Variants in CNTNAP4 observed in about 807,000 individuals in gnomAD.
CNTNAP4 encodes contactin-associated protein-like 4.
CNTNAP4 carries 98 observed loss-of-function variants against 148.4 expected under a neutral mutation model. The observed-to-expected ratio is 0.66, with a 90% CI of 0.56 to 0.78. The LOEUF is 0.78. CNTNAP4 is among the 30% of genes least tolerant of loss of function. The pLI is 0.00. For synonymous variants in CNTNAP4, 730 were observed against 565.1 expected, an observed-to-expected ratio of 1.29 and a Z score of -4.14; for missense variants, 1,935 against 1,565.6, an observed-to-expected ratio of 1.24 and a Z score of -3.98.
At chr16:76,442,806 A>C (rs981756970) in intron 4 of CNTNAP4, among the ~76,000 whole-genome samples, 3 of 152,122 alleles carry the variant, frequency 2.0e-5, no homozygotes, top group Non-Finnish European at 2.9e-5. Flanking sequence ...CAGCACTGCC[A>C]CACTGGGGAA....
intron 15 of CNTNAP4, among the ~76,000 whole-genome samples, chr16:76,506,441 CCCTT>C: frequency 1.2e-5 from 1 of 80,140 alleles, no homozygotes; most frequent in African/African-American, 2.8e-5. Flanking sequence ...CCCTTCCCTT[CCCTT>C]CTTCCCTCCC....
chr16:76,427,291 G>A (rs970176715), intron 3 of CNTNAP4, among the ~76,000 whole-genome samples, 161 bp from the exon 4 acceptor site: 1 of 152,038 alleles, frequency 6.6e-6, no homozygotes, highest in African/African-American at 2.4e-5. Flanking sequence ...TTCTCTGGAT[G>A]CAGAGACATC....
chr16:76,483,251 C>CACACACACAT (rs2081907575), intron 12 of CNTNAP4, among the ~76,000 whole-genome samples: 2 of 151,324 alleles, frequency 1.3e-5, no homozygotes, highest in Non-Finnish European at 3.0e-5. Context: ...CACACACACA[C>CACACACACAT]ACACACACAC....
intron 15 of CNTNAP4, among the ~76,000 whole-genome samples, chr16:76,511,527 T>TA (rs932623424): frequency 3.3e-5 from 5 of 152,140 alleles, no homozygotes; most frequent in African/African-American, 9.6e-5. Context: ...TATAAACCGT[T>TA]AAAAAAAGTG....
chr16:76,497,791 G>A (rs1597737367), intron 14 of CNTNAP4, among the ~76,000 whole-genome samples: 1 of 151,930 alleles, frequency 6.6e-6, no homozygotes, highest in Admixed American at 6.6e-5. Flanking sequence ...GTGTATACCT[G>A]AGTAACAAAC....
intron 2 of CNTNAP4, among the ~76,000 whole-genome samples, chr16:76,339,113 C>G (rs1000544459): frequency 6.6e-6 from 1 of 152,070 alleles, no homozygotes; most frequent in South Asian, 2.1e-4. Context: ...AAGCTGTAAT[C>G]AGAATATGCG....
intron 2 of CNTNAP4, among the ~76,000 whole-genome samples, chr16:76,341,187 C>T (rs1332875473): frequency 1.3e-5 from 2 of 151,834 alleles, no homozygotes; most frequent in African/African-American, 2.4e-5. Flanking sequence ...ACATCTTCCT[C>T]AACTTTTTCA....
chr16:76,441,291 C>G (rs1043125562), intron 4 of CNTNAP4, among the ~76,000 whole-genome samples: 1 of 152,100 alleles, frequency 6.6e-6, no homozygotes, highest in Non-Finnish European at 1.5e-5. Flanking sequence ...TAAATACATG[C>G]TGCAGGAAAA....
chr16:76,499,065 A>ATT (rs57402016), intron 15 of CNTNAP4, among the ~76,000 whole-genome samples: 2 of 122,778 alleles, frequency 1.6e-5, no homozygotes, highest in African/African-American at 6.1e-5. Flanking sequence ...TTTTACCACA[A>ATT]TTTTTTTTTT....
intron 3 of CNTNAP4, among the ~76,000 whole-genome samples, chr16:76,426,687 G>A (rs1876273): frequency 0.66 from 100,210 of 151,902 alleles, 33,495 homozygotes; most frequent in East Asian, 0.8. Context: ...GCCCTACCAT[G>A]TAATGGTTGC....
chr16:76,383,019 C>T (rs770408292), intron 3 of CNTNAP4, among the ~76,000 whole-genome samples: 25 of 151,908 alleles, frequency 1.6e-4, no homozygotes, highest in Non-Finnish European at 2.5e-4. Flanking sequence ...TAGAACAAAA[C>T]GTTTCTTATC....
intron 3 of CNTNAP4, among the ~76,000 whole-genome samples, chr16:76,364,725 C>T (rs1474353352): frequency 6.6e-6 from 1 of 152,088 alleles, no homozygotes; most frequent in Admixed American, 6.6e-5. Flanking sequence ...TAATACTTCC[C>T]ATTCACTTTG....
At chr16:76,415,074 G>C (rs1049854944) in intron 3 of CNTNAP4, among the ~76,000 whole-genome samples, 1 of 151,004 alleles carries the variant, frequency 6.6e-6, no homozygotes. Context: ...ACAATAGTCT[G>C]AATTTCCAAA....
intron 21 of CNTNAP4, among the ~76,000 whole-genome samples, chr16:76,547,659 A>G (rs2084793201): frequency 6.6e-6 from 1 of 152,236 alleles, no homozygotes; most frequent in South Asian, 2.1e-4. Flanking sequence ...GGAGTTTTCT[A>G]TAAGCCTGGA....
chr16:76,430,385 C>G (rs1028833276), intron 4 of CNTNAP4, among the ~76,000 whole-genome samples: 94 of 152,134 alleles, frequency 6.2e-4, no homozygotes, highest in African/African-American at 2.1e-3. Flanking sequence ...CTGGCTTTCC[C>G]TGCCCTCAGA....
At chr16:76,513,680 A>C (rs974453260) in intron 15 of CNTNAP4, among the ~76,000 whole-genome samples, 26 of 152,206 alleles carry the variant, frequency 1.7e-4, no homozygotes, top group African/African-American at 6.0e-4. Context: ...GTGCCTACTT[A>C]AAAACAGTAA....
rs140297400 is a variant in CNTNAP4 at position 76,441,457 on chromosome 16, A to G, written c.539-6555A>G. ...ATACCTACGGGCACAGGGAGAATTG[A>G]TATGAGAGTAGGGCGTACAATCTTT... On this transcript the variant is annotated intron_variant, in intron 4 of 23. Coordinates refer to ENST00000611870, the MANE Select transcript of CNTNAP4 (RefSeq NM_033401.5). 3.8e-3 allele frequency among the ~76,000 whole-genome samples: 584 copies of G among 152,264 alleles called. 5 individuals carry two copies. The highest frequency in any genetic ancestry group is 0.013 in the African/African-American group (560 of 41,582).
chr16:76,456,132 C>T (rs1219766759), intron 8 of CNTNAP4, among the ~76,000 whole-genome samples: 1 of 152,148 alleles, frequency 6.6e-6, no homozygotes, highest in Non-Finnish European at 1.5e-5. Flanking sequence ...TCAATGTTTT[C>T]CATCCAAAGA....
chr16:76,307,448 A>AT (rs1340633478), intron 1 of CNTNAP4, among the ~76,000 whole-genome samples: 4 of 148,802 alleles, frequency 2.7e-5, no homozygotes, highest in Non-Finnish European at 5.9e-5. Context: ...CTTTGGATAT[A>AT]TTTTTTAAAA....
Sources: allele counts gnomAD v4.1 joint callset (sites outside exome capture counted in the v4.1 genomes callset), GRCh38; gene constraint gnomAD v4.1.1; transcripts MANE v1.5; gene names NCBI Gene and HGNC (gene_info 2026-07-23, HGNC 2026-07-21).